The following RNF216 variants were observed in gnomAD, a reference collection of about 807,000 sequenced individuals.
RNF216 encodes E3 ubiquitin-protein ligase RNF216.
Under a neutral mutation model 110.8 loss-of-function variants are expected in RNF216, and 72 were observed. The observed-to-expected ratio is 0.65, with a 90% CI of 0.54 to 0.79. RNF216 has a LOEUF of 0.79. RNF216 is among the 30% of genes least tolerant of loss of function. RNF216 has a pLI of 0.00. For missense variants in RNF216, 1,342 were observed against 1,141.2 expected (o/e 1.18, Z -2.54); for synonymous variants, 495 against 407.5 (o/e 1.21, Z -2.59).
intron 3 of RNF216, among the ~76,000 whole-genome samples, chr7:5,749,755 C>T (rs912611227): frequency 6.6e-6 from 1 of 152,144 alleles, no homozygotes; most frequent in African/African-American, 2.4e-5. Context: ...AGTTTGAGTT[C>T]GTACTATCGG....
At chr7:5,671,779 T>C (rs1356875368) in intron 13 of RNF216, among the ~76,000 whole-genome samples, 2 of 117,678 alleles carry the variant, frequency 1.7e-5, no homozygotes, top group African/African-American at 3.6e-5. Flanking sequence ...CACTCTAGCC[T>C]GAGCAAAGAG....
At position 5,664,088 on chromosome 7, in the gene RNF216, C is replaced by G. The variant is rs532772302; in HGVS notation, c.2062-11578G>C. 1.2e-3 allele frequency among the ~76,000 whole-genome samples: 189 copies of G among 152,250 alleles called. 1 individual carries two copies. The highest frequency in any genetic ancestry group is 4.1e-3 in the African/African-American group (172 of 41,538). On this transcript the variant is annotated intron_variant, in intron 13 of 16. Coordinates refer to ENST00000389902, the MANE Select transcript of RNF216 (RefSeq NM_207111.4). ...GGCCTAGCACTAGATTTGAGCGGCA[C>G]AAGGTGCTGAATGTCTGAGCTGGAG...
At chr7:5,751,401 G>A (rs1188214266) in intron 3 of RNF216, among the ~76,000 whole-genome samples, 1 of 152,116 alleles carries the variant, frequency 6.6e-6, no homozygotes, top group East Asian at 1.9e-4. Context: ...GACCCCAAAA[G>A]ACCAGACTAA....
chr7:5,717,804 A>G (rs1410357761), intron 9 of RNF216, among the ~76,000 whole-genome samples: 1 of 152,134 alleles, frequency 6.6e-6, no homozygotes, highest in African/African-American at 2.4e-5. Flanking sequence ...TATTTATGAG[A>G]CAGAGTCTCA....
intron 2 of RNF216, among the ~76,000 whole-genome samples, chr7:5,758,496 A>T (rs553137919): frequency 2.0e-5 from 3 of 152,094 alleles, no homozygotes; most frequent in Non-Finnish European, 2.9e-5. Context: ...TTATTTGCAG[A>T]TTTTCTTCCA....
At chr7:5,669,665 G>T (rs1000304293) in intron 13 of RNF216, among the ~76,000 whole-genome samples, 1 of 152,140 alleles carries the variant, frequency 6.6e-6, no homozygotes. Context: ...GGCCAAGGTG[G>T]GCGGATCACT....
Position 5,715,164 on chromosome 7 carries a change from G to A in RNF216, c.1722C>T (p.Cys574=). 1 of 1,613,564 alleles carries A rather than the reference G, an allele frequency of 6.2e-7. No individual in the cohort carries two copies. Among genetic ancestry groups the A allele is most frequent in the Non-Finnish European group, 8.5e-7 (1 of 1,179,976 alleles). The part of the protein sequence containing the change: ...QKDGQLIECR[C]CYGEFPFEEL... ...CCTCGAATGGAAATTCCCCATAGCAGCAGCGACACTCAATCAGCTGGCCAT... is the reference window on the plus strand; with the variant it reads ...CCTCGAATGGAAATTCCCCATAGCAACAGCGACACTCAATCAGCTGGCCAT... The change falls in exon 11 of 17, where the codon TGC becomes TGT. Residue 574 remains cysteine (C), a synonymous_variant. Coordinates refer to ENST00000389902, the MANE Select transcript of RNF216 (RefSeq NM_207111.4).
intron 13 of RNF216, among the ~76,000 whole-genome samples, chr7:5,676,713 AATG>A (rs1790322279): frequency 1.3e-5 from 2 of 152,250 alleles, no homozygotes; most frequent in South Asian, 4.1e-4. Context: ...CTTAAGGAAT[AATG>A]GCATTTCCGG....
chr7:5,739,642 C>T (rs956097854), intron 4 of RNF216: 2 of 512,000 alleles, frequency 3.9e-6, no homozygotes, highest in African/African-American at 3.8e-5. Flanking sequence ...AAAGGGAATC[C>T]AAACACAAAT....
At chr7:5,647,328 C>CTTT (rs10617479) in intron 14 of RNF216, among the ~76,000 whole-genome samples, 206 of 94,330 alleles carry the variant, frequency 2.2e-3, no homozygotes, top group East Asian at 4.4e-3. Context: ...TTCTTTCTTT[C>CTTT]TTTTTTTTTT....
At chr7:5,727,380 T>C (rs145646487) in intron 7 of RNF216, among the ~76,000 whole-genome samples, 2,015 of 152,296 alleles carry the variant, frequency 0.013, 20 homozygotes, top group Middle Eastern at 0.024. Flanking sequence ...TATTATTGAG[T>C]GGCCAAGTCT....
At chr7:5,629,152 G>A (rs1271175297) in intron 15 of RNF216, among the ~76,000 whole-genome samples, 1 of 148,960 alleles carries the variant, frequency 6.7e-6, no homozygotes, top group African/African-American at 2.5e-5. Flanking sequence ...CAGAGATGGC[G>A]CCACTGCACT....
At chr7:5,637,451 T>A (rs1380823755) in intron 15 of RNF216, among the ~76,000 whole-genome samples, 1 of 152,236 alleles carries the variant, frequency 6.6e-6, no homozygotes, top group East Asian at 1.9e-4. Flanking sequence ...AGTTAGGAGC[T>A]TGTTCCGTGA....
At position 5,751,393 on chromosome 7, in the gene RNF216, C is replaced by G. The variant is rs575621769; in HGVS notation, c.201+1453G>C. 7.2e-5 allele frequency among the ~76,000 whole-genome samples: 11 copies of G among 152,220 alleles called. No homozygotes were observed. In the South Asian group the frequency reaches 2.3e-3, roughly 32 times the overall value. On this transcript the variant is annotated intron_variant, in intron 3 of 16. Coordinates refer to ENST00000389902, the MANE Select transcript of RNF216 (RefSeq NM_207111.4). ...TTTTGGACTAAGTGTGTGCACTAGA[C>G]CCCAAAAGACCAGACTAAAACTCAA...
intron 5 of RNF216, among the ~76,000 whole-genome samples, chr7:5,736,523 G>C (rs537155674): frequency 1.3e-5 from 2 of 152,304 alleles, no homozygotes; most frequent in Admixed American, 1.3e-4. Flanking sequence ...CGAGATTTCA[G>C]CCTCTGCCCG....
chr7:5,759,541 A>G (rs1484351487), intron 2 of RNF216, among the ~76,000 whole-genome samples: 2 of 152,128 alleles, frequency 1.3e-5, no homozygotes, highest in East Asian at 3.8e-4. Context: ...CATACAATAT[A>G]TAACGCATGT....
intron 5 of RNF216, among the ~76,000 whole-genome samples, chr7:5,736,938 G>A (rs996116419): frequency 6.6e-5 from 10 of 151,090 alleles, no homozygotes; most frequent in South Asian, 2.1e-4. Context: ...CGCCCCGTCC[G>A]GGAGGTGGGG....
At chr7:5,627,036 T>C (rs1786751484) in intron 15 of RNF216, among the ~76,000 whole-genome samples, 1 of 152,074 alleles carries the variant, frequency 6.6e-6, no homozygotes, top group Non-Finnish European at 1.5e-5. Context: ...CACCTCAACC[T>C]CTGCCGCATC....
In RNF216 at chr7:5,696,146, C is replaced by CAT. The variant is rs1410623951; in HGVS notation, c.2061+15613_2061+15614dup. 9.2e-5 allele frequency among the ~76,000 whole-genome samples: 14 copies of CAT among 152,210 alleles called. No individual in the cohort carries two copies. The highest frequency in any genetic ancestry group is 1.9e-4 in the Non-Finnish European group (13 of 68,040). ...TCCAGCCCAAGGGGAAACACACTGA[C>CAT]ATCCACAGTCCATGTGGTGACGAAG... On this transcript the variant is annotated intron_variant, in intron 13 of 16. Coordinates refer to ENST00000389902, the MANE Select transcript of RNF216 (RefSeq NM_207111.4). This position sits in a 1 kb window ranked among gnomAD's most constrained non-coding sequence, Gnocchi z 5.4.
Sources: allele counts gnomAD v4.1 joint callset (sites outside exome capture counted in the v4.1 genomes callset), GRCh38; gene constraint gnomAD v4.1.1; non-coding constraint Gnocchi (gnomAD v3.1); transcripts MANE v1.5; gene names NCBI Gene and HGNC (gene_info 2026-07-23, HGNC 2026-07-21).